The following FMN2 variants were observed in gnomAD, a reference collection of about 807,000 sequenced individuals.
FMN2 encodes the protein formin 2.
In FMN2, 51 loss-of-function variants were observed where a neutral mutation model predicts 142.3. The observed-to-expected ratio is 0.36, with a 90% confidence interval of 0.29 to 0.45. FMN2 has a LOEUF of 0.45. FMN2 is among the 20% of genes least tolerant of loss of function. The pLI, the probability that FMN2 is intolerant of heterozygous loss-of-function variation, is 1.00. For synonymous variants in FMN2, 882 were observed against 869.8 expected (o/e 1.01, Z -0.25); for missense variants, 1,936 against 2,122.8 (o/e 0.91, Z 1.73).
intron 8 of FMN2, among the ~76,000 whole-genome samples, chr1:240,309,164 C>T (rs1670514232): frequency 6.6e-6 from 1 of 152,164 alleles, no homozygotes; most frequent in Admixed American, 6.5e-5. Flanking sequence ...ATAACTTTAA[C>T]AGCACCCTAG....
intron 15 of FMN2, among the ~76,000 whole-genome samples, chr1:240,398,266 AGAGCTG>A (rs1170374445): frequency 6.6e-6 from 1 of 152,172 alleles, no homozygotes; most frequent in Non-Finnish European, 1.5e-5. Flanking sequence ...GGCCTCCCAA[AGAGCTG>A]GGATTACAGG....
intron 15 of FMN2, among the ~76,000 whole-genome samples, chr1:240,409,729 A>G (rs1368877073): frequency 6.6e-6 from 1 of 152,202 alleles, no homozygotes; most frequent in Non-Finnish European, 1.5e-5. Context: ...TTAATAGACT[A>G]AATAATGCCC....
intron 2 of FMN2, among the ~76,000 whole-genome samples, chr1:240,153,190 T>C (rs1481344523): frequency 6.6e-6 from 1 of 152,074 alleles, no homozygotes; most frequent in African/African-American, 2.4e-5. Context: ...GGGTTAGTGA[T>C]ATTTACAACG....
intron 2 of FMN2, among the ~76,000 whole-genome samples, chr1:240,136,950 A>G (rs533441694): frequency 1.3e-5 from 2 of 151,796 alleles, no homozygotes; most frequent in African/African-American, 4.8e-5. Context: ...GGTGCCTCTA[A>G]TCCCAGCTAC....
chr1:240,107,588 C>A (rs1052509850), intron 1 of FMN2, among the ~76,000 whole-genome samples: 6 of 151,958 alleles, frequency 3.9e-5, no homozygotes, highest in African/African-American at 7.3e-5. Flanking sequence ...AAATTCATAA[C>A]CTGTCATAGG....
At chr1:240,210,358 C>G (rs1477300571) in intron 5 of FMN2, among the ~76,000 whole-genome samples, 3 of 152,140 alleles carry the variant, frequency 2.0e-5, no homozygotes, top group South Asian at 2.1e-4. Flanking sequence ...CATTTAGAAA[C>G]AGGGTATTTG....
intron 1 of FMN2, among the ~76,000 whole-genome samples, chr1:240,113,466 G>T (rs532085959): frequency 2.0e-5 from 3 of 147,722 alleles, no homozygotes; most frequent in Admixed American, 7.0e-5. Context: ...CGGGAGGCAG[G>T]AGAATCGCTT....
intron 7 of FMN2, among the ~76,000 whole-genome samples, chr1:240,271,971 G>A (rs982675782): frequency 4.6e-5 from 7 of 152,040 alleles, no homozygotes; most frequent in Non-Finnish European, 7.4e-5. Context: ...TGGACTTTTT[G>A]ATTATACTTC....
rs1270547912 is a variant in FMN2 at position 240,230,079 on chromosome 1, G to C, written c.4065+18844G>C. ...GCCTATAATCCCAGCCTTTTGGGAGGCTGAGGTGGCAGGATCACTTGAACC... is the reference window on the plus strand; with the variant it reads ...GCCTATAATCCCAGCCTTTTGGGAGCCTGAGGTGGCAGGATCACTTGAACC... On this transcript the variant is annotated intron_variant, in intron 6 of 17. Coordinates refer to ENST00000319653, the MANE Select transcript of FMN2 (RefSeq NM_020066.5). Among the ~76,000 whole-genome samples the C allele has an allele frequency of 1.5e-5, 2 of 131,540 alleles. 1 individual carries two copies. The highest frequency in any genetic ancestry group is 6.5e-5 in the African/African-American group (2 of 30,714). 86.3% of individuals were successfully genotyped at this position (131,540 alleles called of 152,430 possible).
chr1:240,450,242 G>A (rs1675964479), intron 16 of FMN2, among the ~76,000 whole-genome samples: 1 of 151,866 alleles, frequency 6.6e-6, no homozygotes, highest in African/African-American at 2.4e-5. Flanking sequence ...TTACAATTAG[G>A]CTTTCTAATT....
intron 7 of FMN2, among the ~76,000 whole-genome samples, chr1:240,261,023 TTA>T (rs954364278): frequency 2.0e-5 from 3 of 152,176 alleles, no homozygotes; most frequent in African/African-American, 7.2e-5. Context: ...CTTCCTCACT[TTA>T]TGTTTTTGTT....
intron 13 of FMN2, among the ~76,000 whole-genome samples, chr1:240,335,836 A>G (rs1251839111): frequency 3.3e-5 from 5 of 152,162 alleles, no homozygotes; most frequent in African/African-American, 9.6e-5. Flanking sequence ...AACACCAGAT[A>G]GTGGGTTTGA....
chr1:240,142,495 T>TTATTTA (rs1217563450), intron 2 of FMN2, among the ~76,000 whole-genome samples: 13 of 150,818 alleles, frequency 8.6e-5, no homozygotes, highest in African/African-American at 2.2e-4. Context: ...ATTTATTTAT[T>TTATTTA]TATATTTTTT....
intron 8 of FMN2, among the ~76,000 whole-genome samples, chr1:240,305,139 G>A (rs1670338609): frequency 6.6e-6 from 1 of 152,130 alleles, no homozygotes; most frequent in Non-Finnish European, 1.5e-5. Flanking sequence ...CTGATAATAT[G>A]AACATCTGGG....
At chr1:240,468,730 G>C (rs187864882) in intron 16 of FMN2, among the ~76,000 whole-genome samples, 1 of 152,320 alleles carries the variant, frequency 6.6e-6, no homozygotes, top group Admixed American at 6.5e-5. Flanking sequence ...AGGCAGGAGA[G>C]AAAGTGGATG....
intron 7 of FMN2, among the ~76,000 whole-genome samples, chr1:240,261,668 G>A (rs893256557): frequency 1.3e-5 from 2 of 152,174 alleles, no homozygotes; most frequent in African/African-American, 4.8e-5. Context: ...TAGATGTGGA[G>A]CATTCTCAGC....
chr1:240,324,636 G>A (rs779695554), intron 8 of FMN2, among the ~76,000 whole-genome samples: 4 of 150,518 alleles, frequency 2.7e-5, no homozygotes, highest in African/African-American at 7.3e-5. Flanking sequence ...ACTACAGCCC[G>A]GGCAACAGAG....
At chr1:240,406,168 G>C (rs745329960) in intron 15 of FMN2, among the ~76,000 whole-genome samples, 19 of 61,578 alleles carry the variant, frequency 3.1e-4, no homozygotes, top group Non-Finnish European at 3.5e-4. Context: ...CCTCGGGAGT[G>C]GGGGGAGCGA....
chr1:240,380,626 T>G (rs1673191842), intron 14 of FMN2, among the ~76,000 whole-genome samples: 1 of 146,476 alleles, frequency 6.8e-6, no homozygotes, highest in Admixed American at 6.9e-5. Flanking sequence ...AATGCCTACA[T>G]AAAAAACACA....
Sources: gnomAD v4.1 joint callset for allele counts (sites outside exome capture counted in the v4.1 genomes callset) on GRCh38, gnomAD v4.1.1 for gene constraint, MANE v1.5 for transcripts, NCBI Gene and HGNC (gene_info 2026-07-23, HGNC 2026-07-21) for gene names.